Variants in FGF10 observed in about 807,000 individuals in gnomAD.
The protein encoded by FGF10 is FGF-10.
Under a neutral mutation model 19.8 loss-of-function variants are expected in FGF10, and 2 were observed. The observed-to-expected ratio is 0.10, with a 90% confidence interval of 0.04 to 0.32. The LOEUF (loss-of-function observed/expected upper bound fraction) is 0.32. FGF10 is among the 10% of genes least tolerant of loss of function. The pLI is 1.00. For missense variants in FGF10, 191 were observed against 246.3 expected (o/e 0.78, Z 1.50); for synonymous variants, 112 against 94.0 (o/e 1.19, Z -1.10).
intron 1 of FGF10, among the ~76,000 whole-genome samples, chr5:44,338,389 T>C (rs924338167): frequency 6.6e-6 from 1 of 152,322 alleles, no homozygotes; most frequent in South Asian, 2.1e-4. Context: ...TAATCAAATT[T>C]GAGGGATACC....
At chr5:44,360,737 C>G (rs957665134) in intron 1 of FGF10, among the ~76,000 whole-genome samples, 5 of 151,558 alleles carry the variant, frequency 3.3e-5, no homozygotes, top group Non-Finnish European at 5.9e-5. Context: ...TTATATGATG[C>G]CTGCAAGGAT....
intron 1 of FGF10, among the ~76,000 whole-genome samples, chr5:44,321,415 C>T (rs1561200550): frequency 6.6e-6 from 1 of 152,160 alleles, no homozygotes; most frequent in Non-Finnish European, 1.5e-5. Context: ...TTGTTATGTG[C>T]ACTTTTGTTG....
intron 1 of FGF10, among the ~76,000 whole-genome samples, chr5:44,387,500 G>A (rs1049933273): frequency 1.3e-5 from 2 of 152,186 alleles, no homozygotes; most frequent in African/African-American, 4.8e-5. Flanking sequence ...TGAAATTTGT[G>A]TGAGGTCTGT....
intron 1 of FGF10, among the ~76,000 whole-genome samples, chr5:44,363,959 A>G (rs1432997156): frequency 6.6e-6 from 1 of 151,814 alleles, no homozygotes; most frequent in Non-Finnish European, 1.5e-5. Context: ...AGACTTCCTT[A>G]TATTTGAATT....
At chr5:44,333,460 T>C (rs963188395) in intron 1 of FGF10, among the ~76,000 whole-genome samples, 12 of 152,174 alleles carry the variant, frequency 7.9e-5, no homozygotes, top group Admixed American at 1.3e-4. Flanking sequence ...AACAACTATG[T>C]TAAAGTATAA....
At chr5:44,315,631 T>G (rs1014939266) in intron 1 of FGF10, among the ~76,000 whole-genome samples, 1 of 152,188 alleles carries the variant, frequency 6.6e-6, no homozygotes, top group African/African-American at 2.4e-5. Context: ...ATTATAATGC[T>G]ATATAGTTTT....
intron 1 of FGF10, among the ~76,000 whole-genome samples, chr5:44,340,844 G>GA (rs1334431360): frequency 1.3e-5 from 2 of 148,780 alleles, no homozygotes; most frequent in Non-Finnish European, 3.0e-5. Context: ...AAAAAAAAAA[G>GA]AAAAAAGAAT....
intron 1 of FGF10, among the ~76,000 whole-genome samples, chr5:44,343,904 A>G (rs1741025127): frequency 6.6e-6 from 1 of 152,010 alleles, no homozygotes; most frequent in Admixed American, 6.6e-5. Context: ...TTAAGGAAAT[A>G]ATAGGATAGG....
At chr5:44,349,473 AAT>A (rs1232625126) in intron 1 of FGF10, among the ~76,000 whole-genome samples, 3 of 23,226 alleles carry the variant, frequency 1.3e-4, no homozygotes, top group Admixed American at 4.8e-4. Flanking sequence ...TATATATCAG[AAT>A]ATATATATAT....
intron 1 of FGF10, among the ~76,000 whole-genome samples, chr5:44,311,546 A>G (rs965125923): frequency 6.6e-6 from 1 of 152,022 alleles, no homozygotes; most frequent in African/African-American, 2.4e-5. Flanking sequence ...ACTCAATTTT[A>G]TTTGCAAAAT....
intron 1 of FGF10, among the ~76,000 whole-genome samples, chr5:44,324,033 G>C (rs561025392): frequency 3.3e-5 from 5 of 152,098 alleles, no homozygotes; most frequent in Admixed American, 3.3e-4. Flanking sequence ...ACACAAACAA[G>C]TGTTATTTCA....
At chr5:44,380,480 T>C (rs961240640) in intron 1 of FGF10, among the ~76,000 whole-genome samples, 1 of 152,228 alleles carries the variant, frequency 6.6e-6, no homozygotes, top group African/African-American at 2.4e-5. Context: ...TTGTTTCACC[T>C]GACATACATA....
chr5:44,324,666 TAATAATGCATGATG>T, intron 1 of FGF10, among the ~76,000 whole-genome samples: 1 of 152,130 alleles, frequency 6.6e-6, no homozygotes, highest in African/African-American at 2.4e-5. Flanking sequence ...AAATAATTTA[TAATAATGCATGATG>T]ATTAAAATGT....
chr5:44,336,515 G>A (rs1001072040), intron 1 of FGF10, among the ~76,000 whole-genome samples: 9 of 152,022 alleles, frequency 5.9e-5, no homozygotes, highest in Admixed American at 5.2e-4. Flanking sequence ...TCCTCCTCCG[G>A]GGAGAGGTGG....
intron 1 of FGF10, among the ~76,000 whole-genome samples, chr5:44,336,002 T>C (rs941344426): frequency 1.3e-5 from 2 of 152,028 alleles, no homozygotes; most frequent in African/African-American, 4.8e-5. Context: ...TAAGATAACA[T>C]AAAATATGTA....
At chr5:44,334,122 T>C (rs1373684721) in intron 1 of FGF10, among the ~76,000 whole-genome samples, 1 of 152,114 alleles carries the variant, frequency 6.6e-6, no homozygotes, top group Non-Finnish European at 1.5e-5. Flanking sequence ...CAAATTTACC[T>C]TCCCAGTTTT....
chr5:44,304,751 T>G lies in FGF10; in HGVS notation c.*244A>C. Reference sequence around the variant, plus strand: ...AAACCCAGCCACAATGTTTTTCACTTGGGAATAACTTCTATCCCATTCGAT... The same window carrying G: ...AAACCCAGCCACAATGTTTTTCACTGGGGAATAACTTCTATCCCATTCGAT... On this transcript the variant is annotated 3_prime_UTR_variant, in exon 3 of 3. Coordinates refer to ENST00000264664, the MANE Select transcript of FGF10 (RefSeq NM_004465.2). 1 of 463,926 alleles carries G rather than the reference T, an allele frequency of 2.2e-6. No homozygotes were observed. Among genetic ancestry groups the G allele is most frequent in the Non-Finnish European group, 3.9e-6 (1 of 256,906 alleles). The allele number at this position is 463,926 out of a possible 1,614,324, so 28.7% of individuals were successfully genotyped here.
chr5:44,367,550 C>A (rs1741646903), intron 1 of FGF10, among the ~76,000 whole-genome samples: 1 of 151,990 alleles, frequency 6.6e-6, no homozygotes. Context: ...CTAGTCTCAT[C>A]AATTATTAAC....
At chr5:44,387,092 A>G (rs1415103643) in intron 1 of FGF10, among the ~76,000 whole-genome samples, 1 of 152,228 alleles carries the variant, frequency 6.6e-6, no homozygotes, top group Non-Finnish European at 1.5e-5. Context: ...AATGGTCACT[A>G]AAGATGTTTA....
Sources: allele counts gnomAD v4.1 joint callset (sites outside exome capture counted in the v4.1 genomes callset), GRCh38; gene constraint gnomAD v4.1.1; transcripts MANE v1.5; gene names NCBI Gene and HGNC (gene_info 2026-07-23, HGNC 2026-07-21).